The following PRKAG2 variants were observed in gnomAD, a reference collection of about 807,000 sequenced individuals.
The protein encoded by PRKAG2 is 5'-AMP-activated protein kinase subunit gamma-2.
A neutral mutation model predicts 69.6 loss-of-function variants in PRKAG2; 26 were observed. That is an observed-to-expected ratio of 0.37 (90% confidence interval 0.27 to 0.52). The LOEUF (loss-of-function observed/expected upper bound fraction) is 0.52, where lower values mean the gene tolerates loss of function less well. Ranked by LOEUF, PRKAG2 falls within the 20% of genes least tolerant of loss-of-function variation. The pLI is 0.90. For missense variants in PRKAG2, 557 were observed against 740.0 expected (o/e 0.75, Z 2.87); for synonymous variants, 293 against 285.0 (o/e 1.03, Z -0.28).
chr7:151,854,280 T>TC (rs1327354505), intron 1 of PRKAG2, among the ~76,000 whole-genome samples: 1 of 152,118 alleles, frequency 6.6e-6, no homozygotes, highest in East Asian at 1.9e-4. Context: ...ATGCCTCCCT[T>TC]CCCCCCACAC....
intron 4 of PRKAG2, among the ~76,000 whole-genome samples, chr7:151,671,935 T>C (rs1014831304): frequency 2.0e-5 from 3 of 152,168 alleles, no homozygotes; most frequent in African/African-American, 4.8e-5. Context: ...TTTCAGAAGC[T>C]CAAATGACAT....
At chr7:151,563,945 G>A (rs1434808439) in intron 14 of PRKAG2, 133 bp downstream of exon 14, 4 of 1,186,348 alleles carry the variant, frequency 3.4e-6, no homozygotes, top group African/African-American at 3.0e-5. Flanking sequence ...GGACAGGAGG[G>A]AATCCCATCG....
chr7:151,631,899 G>T, intron 5 of PRKAG2, 170 bp downstream of exon 5: 1 of 603,810 alleles, frequency 1.7e-6, no homozygotes, highest in South Asian at 2.2e-5. Context: ...GCCCGAGCTC[G>T]CCGGCGCCCG....
intron 15 of PRKAG2, chr7:151,558,727 A>G: frequency 1.0e-6 from 1 of 985,424 alleles, no homozygotes. Context: ...TCTTCACGGC[A>G]CAATTTCTAT....
intron 2 of PRKAG2, among the ~76,000 whole-genome samples, chr7:151,784,978 G>A (rs1213217273): frequency 1.3e-5 from 2 of 152,378 alleles, no homozygotes; most frequent in South Asian, 4.1e-4. Context: ...GCTGCGTGGC[G>A]GTGCAGATAA....
At chr7:151,796,229 G>A (rs547074005) in intron 1 of PRKAG2, among the ~76,000 whole-genome samples, 1 of 152,130 alleles carries the variant, frequency 6.6e-6, no homozygotes, top group African/African-American at 2.4e-5. Context: ...ATAGACGGAT[G>A]GGTCTGCTCA....
At chr7:151,804,426 A>T (rs997013421) in intron 1 of PRKAG2, among the ~76,000 whole-genome samples, 1 of 152,116 alleles carries the variant, frequency 6.6e-6, no homozygotes, top group Non-Finnish European at 1.5e-5. Context: ...AAACCAACAG[A>T]TCTCGTGAGA....
At chr7:151,863,273 C>T (rs2079982723) in intron 1 of PRKAG2, among the ~76,000 whole-genome samples, 1 of 151,942 alleles carries the variant, frequency 6.6e-6, no homozygotes, top group African/African-American at 2.4e-5. Flanking sequence ...GTACAGGGAG[C>T]ACTGGTAGCC....
chr7:151,711,813 T>C (rs1419223334), intron 3 of PRKAG2, among the ~76,000 whole-genome samples: 1 of 152,246 alleles, frequency 6.6e-6, no homozygotes, highest in Non-Finnish European at 1.5e-5. Flanking sequence ...GCCGCTAGCC[T>C]GTCTCAACTC....
intron 3 of PRKAG2, among the ~76,000 whole-genome samples, chr7:151,703,845 A>AACACACACACACACACACACACACAC (rs535818189): frequency 1.1e-5 from 1 of 88,542 alleles, no homozygotes; most frequent in Non-Finnish European, 2.1e-5. Flanking sequence ...TTTACTGGAA[A>AACACACACACACACACACACACACAC]ACACACACAC....
At chr7:151,860,399 C>T (rs1241221434) in intron 1 of PRKAG2, among the ~76,000 whole-genome samples, 1 of 152,186 alleles carries the variant, frequency 6.6e-6, no homozygotes, top group Non-Finnish European at 1.5e-5. Flanking sequence ...TTGCCCACCC[C>T]CTCTCCTCCC....
Position 151,742,910 on chromosome 7 carries a change from G to C in PRKAG2, c.466+38242C>G, listed in dbSNP as rs985193170. ...CAAAGCTTTGGATCCCACGATTAGA[G>C]ATGAACGCTGATGCGTTGGGAGAGA... On this transcript the variant is annotated intron_variant, in intron 3 of 15. Coordinates refer to ENST00000287878, the MANE Select transcript of PRKAG2 (RefSeq NM_016203.4). Among the ~76,000 whole-genome samples, 4 of 152,216 alleles carry C rather than the reference G, an allele frequency of 2.6e-5. No individual in the cohort carries two copies. In the East Asian group the frequency reaches 7.7e-4, roughly 29 times the overall value.
intron 3 of PRKAG2, among the ~76,000 whole-genome samples, chr7:151,753,102 T>C (rs2074827332): frequency 6.6e-6 from 1 of 152,248 alleles, no homozygotes; most frequent in Non-Finnish European, 1.5e-5. Flanking sequence ...GAACTGGCCG[T>C]TGTCCTCCTG....
rs897194737 is a variant in PRKAG2 at position 151,583,621 on chromosome 7, C to T, written c.865-7169G>A. 1.3e-5 allele frequency among the ~76,000 whole-genome samples: 2 copies of T among 152,102 alleles called. No homozygotes were observed. The highest frequency in any genetic ancestry group is 2.9e-5 in the Non-Finnish European group (2 of 68,004). On this transcript the variant is annotated intron_variant, in intron 6 of 15. Coordinates refer to ENST00000287878, the MANE Select transcript of PRKAG2 (RefSeq NM_016203.4). This position sits in a 1 kb window ranked among gnomAD's most constrained non-coding sequence, Gnocchi z 4.1. ...GACGGCACAGGGTGTTCCAATTAAC[C>T]AATAAACAGGATACAAAGAGGACTA... is the stretch of plus-strand genomic sequence containing the variant.
chr7:151,740,214 T>C (rs1444799694), intron 3 of PRKAG2, among the ~76,000 whole-genome samples: 1 of 152,204 alleles, frequency 6.6e-6, no homozygotes, highest in East Asian at 1.9e-4. Flanking sequence ...CAGCCAACAG[T>C]GGGCACAGCA....
intron 3 of PRKAG2, among the ~76,000 whole-genome samples, chr7:151,716,608 G>A (rs78256949): frequency 0.037 from 5,586 of 152,046 alleles, 350 homozygotes; most frequent in African/African-American, 0.13. Context: ...TAGGAAGGAG[G>A]GTATGGGACA....
chr7:151,716,830 G>A (rs536869932), intron 3 of PRKAG2, among the ~76,000 whole-genome samples: 7 of 152,310 alleles, frequency 4.6e-5, no homozygotes, highest in Non-Finnish European at 7.3e-5. Flanking sequence ...CCCCAAGCCC[G>A]CGTGGAGCAG....
At chr7:151,804,252 C>T (rs988488444) in intron 1 of PRKAG2, among the ~76,000 whole-genome samples, 4 of 152,204 alleles carry the variant, frequency 2.6e-5, no homozygotes, top group African/African-American at 7.2e-5. Context: ...CTGTAGGTGA[C>T]GCAGGCTGCT....
At chr7:151,580,938 A>G (rs2151066772) in intron 6 of PRKAG2, among the ~76,000 whole-genome samples, 2 of 152,354 alleles carry the variant, frequency 1.3e-5, no homozygotes, top group South Asian at 4.1e-4. Context: ...ACATTTAAAA[A>G]TAACCAATAA....
Sources: gnomAD v4.1 joint callset for allele counts (sites outside exome capture counted in the v4.1 genomes callset) on GRCh38, gnomAD v4.1.1 for gene constraint, Gnocchi (gnomAD v3.1) non-coding constraint, MANE v1.5 for transcripts, NCBI Gene and HGNC (gene_info 2026-07-23, HGNC 2026-07-21) for gene names.